Variants in THSD4 observed in about 807,000 individuals in gnomAD.
The protein encoded by THSD4 is thrombospondin type-1 domain-containing protein 4.
Under a neutral mutation model 119.0 loss-of-function variants are expected in THSD4, and 69 were observed. That is an observed-to-expected ratio of 0.58 (90% CI 0.48 to 0.71). THSD4 has a LOEUF of 0.71. THSD4 is among the 30% of genes least tolerant of loss of function. The probability of loss-of-function intolerance (pLI) is 0.00; values close to 1 mark genes in which losing one functional copy is unlikely to be tolerated. For missense variants in THSD4, 1,393 were observed against 1,391.1 expected, an observed-to-expected ratio of 1.00 and a Z score of -0.02; for synonymous variants, 524 against 540.4, an observed-to-expected ratio of 0.97 and a Z score of 0.42.
chr15:71,690,923 A>G (rs909958831), intron 8 of THSD4, among the ~76,000 whole-genome samples: 1 of 152,234 alleles, frequency 6.6e-6, no homozygotes, highest in African/African-American at 2.4e-5. Context: ...CAGCCAAACC[A>G]TATCACATGG....
intron 7 of THSD4, among the ~76,000 whole-genome samples, chr15:71,606,101 C>A (rs2050104997): frequency 6.6e-6 from 1 of 152,224 alleles, no homozygotes; most frequent in African/African-American, 2.4e-5. Flanking sequence ...GTAACCTTGA[C>A]AAAGGAAATG....
chr15:71,350,411 G>A (rs75455251), intron 6 of THSD4, among the ~76,000 whole-genome samples: 3,406 of 152,132 alleles, frequency 0.022, 127 homozygotes, highest in African/African-American at 0.079. Flanking sequence ...AAGTGGAACA[G>A]GAATGAACCC....
intron 5 of THSD4, among the ~76,000 whole-genome samples, chr15:71,243,816 G>T (rs1179478130): frequency 9.2e-6 from 1 of 108,916 alleles, no homozygotes; most frequent in Admixed American, 1.4e-4. Flanking sequence ...ATGGAGTCTC[G>T]CTCTGTCACC....
At chr15:71,200,076 G>A (rs2043789511) in intron 3 of THSD4, among the ~76,000 whole-genome samples, 2 of 152,074 alleles carry the variant, frequency 1.3e-5, no homozygotes, top group African/African-American at 4.8e-5. Context: ...CTTCAGTCGG[G>A]AGTATCAGAG....
chr15:71,749,493 A>G (rs1426638457), intron 14 of THSD4, among the ~76,000 whole-genome samples: 1 of 152,084 alleles, frequency 6.6e-6, no homozygotes, highest in Non-Finnish European at 1.5e-5. Context: ...TGGGATGAGG[A>G]CATGATTGGC....
intron 7 of THSD4, among the ~76,000 whole-genome samples, chr15:71,553,805 T>C (rs930094467): frequency 2.0e-5 from 3 of 152,244 alleles, no homozygotes; most frequent in African/African-American, 4.8e-5. Context: ...TCCATTAATC[T>C]ACTTACATAG....
chr15:71,696,832 C>G (rs779260201), intron 8 of THSD4, among the ~76,000 whole-genome samples: 18 of 152,262 alleles, frequency 1.2e-4, no homozygotes, highest in Non-Finnish European at 2.5e-4. Flanking sequence ...GGGAGCTGAT[C>G]TATAAGGAAG....
intron 6 of THSD4, among the ~76,000 whole-genome samples, chr15:71,408,584 G>C (rs190636794): frequency 1.6e-4 from 25 of 152,216 alleles, no homozygotes; most frequent in African/African-American, 5.3e-4. Context: ...GGGGGCAGAG[G>C]CTTATGCCTG....
chr15:71,536,836 T>G (rs1182403748), intron 7 of THSD4, among the ~76,000 whole-genome samples: 5 of 152,172 alleles, frequency 3.3e-5, no homozygotes, highest in Non-Finnish European at 7.3e-5. Context: ...TCTATCCTCA[T>G]TCTTTTGCGT....
chr15:71,636,617 G>A (rs1273970149), intron 7 of THSD4, among the ~76,000 whole-genome samples: 2 of 151,992 alleles, frequency 1.3e-5, no homozygotes, highest in Non-Finnish European at 2.9e-5. Flanking sequence ...ACCACCTTCC[G>A]CTATGTTGTT....
chr15:71,490,346 G>T (rs1345401650), intron 7 of THSD4, among the ~76,000 whole-genome samples: 1 of 152,060 alleles, frequency 6.6e-6, no homozygotes, highest in Non-Finnish European at 1.5e-5. Context: ...AGATCACAAG[G>T]TCAGGAGATC....
At chr15:71,347,973 C>T (rs2045689297) in intron 6 of THSD4, among the ~76,000 whole-genome samples, 1 of 152,162 alleles carries the variant, frequency 6.6e-6, no homozygotes, top group Non-Finnish European at 1.5e-5. Flanking sequence ...ATACTCATTC[C>T]CAATACCCAT....
chr15:71,460,674 A>T (rs1328854265), intron 7 of THSD4, among the ~76,000 whole-genome samples: 1 of 152,176 alleles, frequency 6.6e-6, no homozygotes, highest in African/African-American at 2.4e-5. Flanking sequence ...TCTTCAGTGA[A>T]AATAGTAAAA....
intron 4 of THSD4, among the ~76,000 whole-genome samples, chr15:71,222,953 T>G (rs1210790053): frequency 6.6e-6 from 1 of 152,152 alleles, no homozygotes; most frequent in Admixed American, 6.5e-5. Context: ...CCTGCCGATG[T>G]TACTTAACTT....
intron 3 of THSD4, among the ~76,000 whole-genome samples, chr15:71,205,063 G>C (rs1358009548): frequency 6.6e-6 from 1 of 152,176 alleles, no homozygotes; most frequent in African/African-American, 2.4e-5. Flanking sequence ...TCACTGGGGA[G>C]CTTATTTAAA....
At chr15:71,725,578 C>T (rs971136809) in intron 8 of THSD4, among the ~76,000 whole-genome samples, 2 of 152,044 alleles carry the variant, frequency 1.3e-5, no homozygotes, top group Admixed American at 1.3e-4. Context: ...GTGTGGTTCC[C>T]AGAAGCTGGG....
intron 14 of THSD4, among the ~76,000 whole-genome samples, chr15:71,749,522 G>A (rs978569724): frequency 6.6e-6 from 1 of 152,110 alleles, no homozygotes; most frequent in Non-Finnish European, 1.5e-5. Context: ...ACCTTGGTTA[G>A]CGGCCTACCT....
At chr15:71,329,630 A>T (rs1229318704) in intron 6 of THSD4, among the ~76,000 whole-genome samples, 1 of 152,176 alleles carries the variant, frequency 6.6e-6, no homozygotes, top group East Asian at 1.9e-4. Flanking sequence ...CATTCCCGAG[A>T]CGCCAGCTCT....
intron 6 of THSD4, among the ~76,000 whole-genome samples, chr15:71,370,668 C>A (rs886704320): frequency 2.0e-5 from 3 of 151,928 alleles, no homozygotes; most frequent in Non-Finnish European, 2.9e-5. Flanking sequence ...AATTTCTGTT[C>A]TTTTACATTT....
Sources: allele counts gnomAD v4.1 joint callset (sites outside exome capture counted in the v4.1 genomes callset), GRCh38; gene constraint gnomAD v4.1.1; transcripts MANE v1.5; gene names NCBI Gene and HGNC (gene_info 2026-07-23, HGNC 2026-07-21).